Variants in MTUS2 observed in about 807,000 individuals in gnomAD.
MTUS2 encodes microtubule associated scaffold protein 2.
In MTUS2, 40 loss-of-function variants were observed where a neutral mutation model predicts 114.1. That is an observed-to-expected ratio of 0.35 (90% CI 0.27 to 0.46). The LOEUF (loss-of-function observed/expected upper bound fraction) is 0.46. Ranked by LOEUF, MTUS2 falls within the 20% of genes least tolerant of loss-of-function variation. The pLI is 1.00. For synonymous variants in MTUS2, 688 were observed against 672.0 expected (o/e 1.02, Z -0.37); for missense variants, 1,679 against 1,705.4 (o/e 0.98, Z 0.27).
At chr13:29,047,671 G>A (rs1437620603) in intron 4 of MTUS2, among the ~76,000 whole-genome samples, 4 of 151,884 alleles carry the variant, frequency 2.6e-5, no homozygotes, top group East Asian at 1.9e-4. Flanking sequence ...CCGCCACCTC[G>A]CCCGGCTAAT....
chr13:29,487,693 C>G (rs1263319472), intron 10 of MTUS2: 1 of 583,652 alleles, frequency 1.7e-6, no homozygotes. Context: ...GGAGTTGGAC[C>G]CCCCTACAAA....
Position 29,113,844 on chromosome 13 carries a change from T to C in MTUS2, c.2644+12874T>C, listed in dbSNP as rs370486727. Among the ~76,000 whole-genome samples, 46 of 152,260 alleles carry C rather than the reference T, an allele frequency of 3.0e-4. 1 individual carries two copies. Among genetic ancestry groups the C allele is most frequent in the African/African-American group, 1.1e-3 (45 of 41,562 alleles). The stretch of plus-strand genomic sequence containing the variant: ...TGTGTGTCCCTACCTAAATCTCATA[T>C]TGAAATGTAATCCCCAGTGTTGGAG... On this transcript the variant is annotated intron_variant, in intron 5 of 15. Coordinates refer to ENST00000612955, the MANE Select transcript of MTUS2 (RefSeq NM_001033602.4).
In MTUS2 at chr13:29,380,993, G is replaced by A. The variant is rs549987812; in HGVS notation, c.3117+21520G>A. ...GACTCTCATGCTGGAGGGCAGCTGTGACTGTCAGCTTGTGCATGCCCCTCT... is the reference window on the plus strand; with the variant it reads ...GACTCTCATGCTGGAGGGCAGCTGTAACTGTCAGCTTGTGCATGCCCCTCT... On this transcript the variant is annotated intron_variant, in intron 8 of 15. Coordinates refer to ENST00000612955, the MANE Select transcript of MTUS2 (RefSeq NM_001033602.4). 2.2e-4 allele frequency among the ~76,000 whole-genome samples: 34 copies of A among 152,054 alleles called. No homozygotes were observed. The South Asian group carries it at 6.4e-3, about 29-fold the overall frequency.
intron 4 of MTUS2, among the ~76,000 whole-genome samples, chr13:29,056,217 A>C (rs1264717029): frequency 6.6e-6 from 1 of 151,888 alleles, no homozygotes; most frequent in Non-Finnish European, 1.5e-5. Context: ...GGTTTTAAGT[A>C]TTACATTTAA....
At chr13:29,501,564 C>T (rs923848974) in intron 15 of MTUS2, among the ~76,000 whole-genome samples, 1 of 152,218 alleles carries the variant, frequency 6.6e-6, no homozygotes, top group Non-Finnish European at 1.5e-5. Context: ...TCACAATTTC[C>T]ATCCAGGTCT....
At chr13:29,145,777 C>T (rs1593525901) in intron 5 of MTUS2, among the ~76,000 whole-genome samples, 1 of 152,032 alleles carries the variant, frequency 6.6e-6, no homozygotes, top group East Asian at 1.9e-4. Context: ...AAATATTTCT[C>T]TTTGCACACT....
intron 5 of MTUS2, among the ~76,000 whole-genome samples, chr13:29,140,676 C>G (rs963707839): frequency 6.6e-6 from 1 of 152,138 alleles, no homozygotes; most frequent in Admixed American, 6.5e-5. Flanking sequence ...TGCCCCAGTT[C>G]TCTGGTAGGT....
At chr13:29,184,173 G>A (rs933140896) in intron 5 of MTUS2, among the ~76,000 whole-genome samples, 1 of 152,036 alleles carries the variant, frequency 6.6e-6, no homozygotes, top group Non-Finnish European at 1.5e-5. Context: ...AAATTTACTG[G>A]TGGCTAAATG....
intron 5 of MTUS2, among the ~76,000 whole-genome samples, chr13:29,202,439 T>G (rs1289730217): frequency 1.3e-5 from 2 of 152,206 alleles, no homozygotes; most frequent in African/African-American, 4.8e-5. Flanking sequence ...CTTCCTTGCC[T>G]TGGATTACAA....
intron 1 of MTUS2, among the ~76,000 whole-genome samples, chr13:28,834,055 T>C (rs1874895136): frequency 6.6e-6 from 1 of 152,142 alleles, no homozygotes; most frequent in South Asian, 2.1e-4. Flanking sequence ...CATCCTGTGT[T>C]CATGGACTGG....
At chr13:29,501,047 C>T (rs775113090) in intron 14 of MTUS2, 50 bp from the exon 15 acceptor site, 2 of 1,511,082 alleles carry the variant, frequency 1.3e-6, no homozygotes, top group Non-Finnish European at 1.8e-6. Flanking sequence ...CCGGTTTACT[C>T]CCGATTTTAT....
At chr13:29,490,780 T>G (rs1041246879) in intron 11 of MTUS2, among the ~76,000 whole-genome samples, 7 of 152,402 alleles carry the variant, frequency 4.6e-5, no homozygotes, top group African/African-American at 1.7e-4. Context: ...GCAGGATGGC[T>G]GCTCGCAGCT....
At chr13:29,212,625 G>A (rs563422921) in intron 5 of MTUS2, among the ~76,000 whole-genome samples, 2 of 152,298 alleles carry the variant, frequency 1.3e-5, no homozygotes, top group Non-Finnish European at 2.9e-5. Flanking sequence ...ACAGCTCACA[G>A]AACTCAGGGA....
At chr13:29,344,152 T>C (rs1156263723) in intron 7 of MTUS2, among the ~76,000 whole-genome samples, 1 of 152,148 alleles carries the variant, frequency 6.6e-6, no homozygotes, top group Admixed American at 6.5e-5. Context: ...TCTGTAAATA[T>C]CTGTTAAGTA....
At chr13:28,879,464 G>C (rs1004953197) in intron 2 of MTUS2, among the ~76,000 whole-genome samples, 2 of 152,030 alleles carry the variant, frequency 1.3e-5, no homozygotes, top group African/African-American at 4.8e-5. Context: ...CTGGTGGGGG[G>C]GCTCCATTTT....
chr13:29,298,421 C>T (rs2139598590), intron 6 of MTUS2, among the ~76,000 whole-genome samples: 1 of 152,272 alleles, frequency 6.6e-6, no homozygotes, highest in African/African-American at 2.4e-5. Context: ...TGATTTCACA[C>T]ATTTAGGGAT....
chr13:29,191,186 A>C (rs546019146), intron 5 of MTUS2, among the ~76,000 whole-genome samples: 6 of 152,176 alleles, frequency 3.9e-5, no homozygotes, highest in African/African-American at 1.2e-4. Context: ...TTCAGAAATC[A>C]AGTCTGAGTT....
chr13:29,031,237 G>GGTGTGCGTGTGTGTGTGT (rs1555287205), intron 3 of MTUS2, among the ~76,000 whole-genome samples: 1 of 122,886 alleles, frequency 8.1e-6, no homozygotes, highest in African/African-American at 3.0e-5. Context: ...AGAACTAATA[G>GGTGTGCGTGTGTGTGTGT]GTGTGTGTGT....
intron 6 of MTUS2, among the ~76,000 whole-genome samples, chr13:29,320,596 A>G (rs1900213140): frequency 2.0e-5 from 3 of 152,214 alleles, no homozygotes; most frequent in Admixed American, 2.0e-4. Context: ...AGAGGACAGG[A>G]GATCCTGGAG....
Sources: gnomAD v4.1 joint callset for allele counts (sites outside exome capture counted in the v4.1 genomes callset) on GRCh38, gnomAD v4.1.1 for gene constraint, MANE v1.5 for transcripts, NCBI Gene and HGNC (gene_info 2026-07-23, HGNC 2026-07-21) for gene names.